LPAR3: variants seen among roughly 807,000 people sequenced by gnomAD.
LPAR3 encodes lysophosphatidic acid receptor 3.
A neutral mutation model predicts 17.8 loss-of-function variants in LPAR3; 7 were observed. The ratio of observed to expected loss-of-function variants is 0.39; its 90% confidence interval spans 0.22 to 0.74. The LOEUF (loss-of-function observed/expected upper bound fraction) is 0.74, where lower values mean the gene tolerates loss of function less well. Among genes scored for constraint, LPAR3 ranks in the 30% least tolerant of loss-of-function variants. LPAR3 has a pLI of 0.40. For missense variants in LPAR3, 391 were observed against 453.4 expected (o/e 0.86, Z 1.25); for synonymous variants, 179 against 179.9 (o/e 0.99, Z 0.04).
At chr1:84,852,825 A>C (rs1456308328) in intron 2 of LPAR3, among the ~76,000 whole-genome samples, 1 of 152,222 alleles carries the variant, frequency 6.6e-6, no homozygotes, top group Non-Finnish European at 1.5e-5. Flanking sequence ...GGCACATAAC[A>C]GGAAGGTCAA....
At chr1:84,862,223 C>T (rs944823975) in intron 2 of LPAR3, among the ~76,000 whole-genome samples, 2 of 152,198 alleles carry the variant, frequency 1.3e-5, no homozygotes, top group Admixed American at 6.5e-5. Context: ...ACATCAATAT[C>T]TTCTCCAGCT....
At chr1:84,877,293 A>G (rs1426828937) in intron 1 of LPAR3, among the ~76,000 whole-genome samples, 1 of 152,238 alleles carries the variant, frequency 6.6e-6, no homozygotes, top group Admixed American at 6.5e-5. Flanking sequence ...ACTATGGTTC[A>G]TCCTACACAG....
chr1:84,825,117 T>G (rs1452837814), intron 2 of LPAR3, among the ~76,000 whole-genome samples: 8 of 152,202 alleles, frequency 5.3e-5, no homozygotes, highest in Non-Finnish European at 1.2e-4. Context: ...TGTCTGCTGT[T>G]ACATTTGATG....
chr1:84,870,636 C>T (rs1009006348), intron 1 of LPAR3, among the ~76,000 whole-genome samples: 2 of 152,136 alleles, frequency 1.3e-5, no homozygotes, highest in Admixed American at 6.5e-5. Context: ...AGGTGCTGAA[C>T]TAAGCATTTT....
Position 84,813,513 on chromosome 1 carries a change from T to C in LPAR3, c.*333A>G, listed in dbSNP as rs1021482676. 1.3e-5 allele frequency: 3 copies of C among 237,620 alleles called. No individual in the cohort carries two copies. The highest frequency in any genetic ancestry group is 1.7e-5 in the Non-Finnish European group (2 of 120,250). The allele number at this position is 237,620 out of a possible 1,614,324, so 14.7% of individuals were successfully genotyped here. On this transcript the variant is annotated 3_prime_UTR_variant, in exon 3 of 3. Transcript: ENST00000370611. ...TATGATTTATTTTGGTCTAAGCCCT[T>C]TCATAACGTCCTTTTAAAATACAAA...
At chr1:84,883,475 T>C (rs1660401206) in intron 1 of LPAR3, among the ~76,000 whole-genome samples, 2 of 152,240 alleles carry the variant, frequency 1.3e-5, no homozygotes, top group Non-Finnish European at 2.9e-5. Flanking sequence ...GAAAACCTAA[T>C]GTTTAACATT....
chr1:84,853,401 C>T (rs908536658), intron 2 of LPAR3, among the ~76,000 whole-genome samples: 1 of 152,154 alleles, frequency 6.6e-6, no homozygotes, highest in Non-Finnish European at 1.5e-5. Flanking sequence ...ATTGGGAGGT[C>T]AGCTGGGGAA....
At chr1:84,892,263 AC>A (rs1163008959) in intron 1 of LPAR3, among the ~76,000 whole-genome samples, 19 of 107,462 alleles carry the variant, frequency 1.8e-4, no homozygotes, top group African/African-American at 6.5e-4. Flanking sequence ...ATAAATAAAA[AC>A]TAACCTACAA....
chr1:84,858,518 A>ATTCTTACC (rs1375126152), intron 2 of LPAR3, among the ~76,000 whole-genome samples: 5 of 149,434 alleles, frequency 3.3e-5, no homozygotes, highest in African/African-American at 1.2e-4. Flanking sequence ...AAAAAACACG[A>ATTCTTACC]TTCTTACCTA....
chr1:84,814,093 T>G lies in LPAR3; in HGVS notation c.815A>C (p.Gln272Pro). ...DGLNCRQCGV[Q>P]HVKRWFLLLA... ...CAGCAGGAACCACCTTTTCACATGCTGCACGCCACACTGCCTGCAGTTCAG... is the reference window on the plus strand; with the variant it reads ...CAGCAGGAACCACCTTTTCACATGCGGCACGCCACACTGCCTGCAGTTCAG... The change falls in exon 3 of 3, where the codon CAG becomes CCG. Residue 272 changes from glutamine (Q) to proline (P), a missense_variant. Physicochemically the swap from Gln to Pro is moderately conservative, Grantham distance 76 (BLOSUM62 -1). Transcript: ENST00000370611. 6.2e-7 allele frequency: 1 copy of G among 1,614,156 alleles called. No individual in the cohort carries two copies. The highest frequency in any genetic ancestry group is 2.2e-5 in the East Asian group (1 of 44,872).
chr1:84,881,845 T>C (rs1352094268), intron 1 of LPAR3, among the ~76,000 whole-genome samples: 2 of 152,138 alleles, frequency 1.3e-5, no homozygotes, highest in Non-Finnish European at 2.9e-5. Flanking sequence ...GAGCCGAGTA[T>C]TTAAAGAGCA....
rs74096173 is a variant in LPAR3 at position 84,877,106 on chromosome 1, T to G, written c.-18-10968A>C. On this transcript the variant is annotated intron_variant, in intron 1 of 2. Coordinates refer to ENST00000370611, the MANE Select transcript of LPAR3 (RefSeq NM_012152.3). ...TTCATACATGATATGGATTTACATTTTAATTCTAAGGATTAGCCACATTTG... is the reference window on the plus strand; with the variant it reads ...TTCATACATGATATGGATTTACATTGTAATTCTAAGGATTAGCCACATTTG... 9.1e-3 allele frequency among the ~76,000 whole-genome samples: 1,387 copies of G among 152,344 alleles called. 19 individuals are homozygous for G. The highest frequency in any genetic ancestry group is 0.032 in the African/African-American group (1,338 of 41,570).
chr1:84,844,849 C>T (rs1659567700), intron 2 of LPAR3, among the ~76,000 whole-genome samples: 1 of 152,174 alleles, frequency 6.6e-6, no homozygotes, highest in African/African-American at 2.4e-5. Context: ...GGGAAAGTGT[C>T]TGCAAGCCAG....
chr1:84,885,603 C>T (rs1432225278), intron 1 of LPAR3, among the ~76,000 whole-genome samples: 5 of 152,112 alleles, frequency 3.3e-5, no homozygotes, highest in South Asian at 2.1e-4. Context: ...GGGAATGCAA[C>T]GTGAGGCTGG....
Position 84,865,963 on chromosome 1 carries a change from G to T in LPAR3, c.158C>A (p.Ala53Glu). Residue 53 changes from alanine (A) to glutamate (E), a missense_variant, in exon 2 of 3, where the codon GCG (alanine) becomes GAG (glutamate). Ala to Glu is a moderately radical substitution (Grantham distance 107, BLOSUM62 -1). Transcript: ENST00000370611. ...FIFFSNSLVIAAVIKNRKFHF... is the reference protein window; with the variant it reads ...FIFFSNSLVIEAVIKNRKFHF... ...AAATTTTCTGTTTTTGATCACTGCC[G>T]CGATGACCAGAGAATTAGAAAAAAA... The T allele has an allele frequency of 6.2e-7, 1 of 1,613,996 alleles. No individual in the cohort carries two copies. The highest frequency in any genetic ancestry group is 1.1e-5 in the South Asian group (1 of 91,076).
chr1:84,892,373 G>A (rs989915298), intron 1 of LPAR3, among the ~76,000 whole-genome samples: 18 of 152,168 alleles, frequency 1.2e-4, no homozygotes, highest in Non-Finnish European at 1.2e-4. Flanking sequence ...GAATTTCTAA[G>A]CAATTTTGTG....
intron 2 of LPAR3, among the ~76,000 whole-genome samples, chr1:84,816,933 T>A (rs1658943247): frequency 6.6e-6 from 1 of 152,222 alleles, no homozygotes; most frequent in Non-Finnish European, 1.5e-5. Flanking sequence ...AGTCTGTGCT[T>A]TCTCTATGTG....
intron 2 of LPAR3, among the ~76,000 whole-genome samples, chr1:84,848,943 T>G (rs1047953380): frequency 4.6e-5 from 7 of 152,164 alleles, no homozygotes; most frequent in Non-Finnish European, 1.5e-5. Flanking sequence ...TGGAGCATCT[T>G]TCAACAGAAC....
intron 2 of LPAR3, among the ~76,000 whole-genome samples, chr1:84,853,481 C>A (rs906353560): frequency 2.6e-5 from 4 of 152,200 alleles, no homozygotes. Flanking sequence ...TCTTGCCTGA[C>A]CCTGCCTCTG....
Sources: allele counts gnomAD v4.1 joint callset (sites outside exome capture counted in the v4.1 genomes callset), GRCh38; gene constraint gnomAD v4.1.1; transcripts MANE v1.5; gene names NCBI Gene and HGNC (gene_info 2026-07-23, HGNC 2026-07-21).